The following PCDHA2 variants were observed in gnomAD, a reference collection of about 807,000 sequenced individuals.
The protein encoded by PCDHA2 is protocadherin alpha-2.
In PCDHA2, 58 loss-of-function variants were observed where a neutral mutation model predicts 66.0. That is an observed-to-expected ratio of 0.88 (90% CI 0.71 to 1.09). The LOEUF (loss-of-function observed/expected upper bound fraction) is 1.09. Among genes scored for constraint, PCDHA2 ranks in the 50% least tolerant of loss-of-function variants. The pLI is 0.00. For synonymous variants in PCDHA2, 634 were observed against 554.0 expected (o/e 1.14, Z -2.03); for missense variants, 1,267 against 1,242.3 (o/e 1.02, Z -0.30).
chr5:140,848,667 G>A lies in PCDHA2; in HGVS notation c.2388+51315G>A, dbSNP rs1173870910. On this transcript the variant is annotated intron_variant, in intron 1 of 3. Coordinates refer to ENST00000526136, the MANE Select transcript of PCDHA2 (RefSeq NM_018905.3). ...GCAGGACCTGGGGCTGGAGCTGGCG[G>A]AGCTGGTGCCGCGCCTGTTCCAGTT... The A allele has an allele frequency of 1.0e-5, 16 of 1,592,228 alleles. No individual in the cohort carries two copies. Among genetic ancestry groups the A allele is most frequent in the Non-Finnish European group, 1.3e-5 (15 of 1,163,428 alleles).
chr5:140,882,103 G>A, intron 1 of PCDHA2: 2 of 1,335,054 alleles, frequency 1.5e-6, no homozygotes, highest in Non-Finnish European at 2.0e-6. Context: ...ACGTTTCCGC[G>A]AAGAAAGCCG....
rs376607115 is a variant in PCDHA2 at position 141,006,474 on chromosome 5, A to G, written c.2537-3153A>G. Among the ~76,000 whole-genome samples, 193 of 152,188 alleles carry G rather than the reference A, an allele frequency of 1.3e-3. 1 individual carries two copies. The highest frequency in any genetic ancestry group is 4.5e-3 in the African/African-American group (185 of 41,520). ...GAGATCTGCCTGTCTCGGCCTCCCA[A>G]AGTGCTGGGATTACATGTGTGAGCC... On this transcript the variant is annotated intron_variant, in intron 3 of 3. Transcript: ENST00000526136.
chr5:140,844,840 G>A lies in PCDHA2; in HGVS notation c.2388+47488G>A, dbSNP rs2150374183. 8.0e-5 allele frequency among the ~76,000 whole-genome samples: 12 copies of A among 149,088 alleles called. No homozygotes were observed. In the East Asian group the frequency reaches 1.9e-3, roughly 24 times the overall value. On this transcript the variant is annotated intron_variant, in intron 1 of 3. Transcript: ENST00000526136. ...TTGTCTTTTTACACGTTTGCTTCTT[G>A]TGACTGTTGGACCTGCCTGGATATT...
At chr5:140,863,310 G>A (rs2047937786) in intron 1 of PCDHA2, 2 of 1,463,012 alleles carry the variant, frequency 1.4e-6, no homozygotes, top group Non-Finnish European at 1.9e-6. Context: ...CCATCTGCGT[G>A]GTGTCCAGCC....
At chr5:140,833,718 T>G (rs1772594795) in intron 1 of PCDHA2, among the ~76,000 whole-genome samples, 1 of 151,380 alleles carries the variant, frequency 6.6e-6, no homozygotes, top group Non-Finnish European at 1.5e-5. Flanking sequence ...AGTGTCTGGA[T>G]AGTTGCTAAT....
At chr5:140,953,950 A>G (rs1458991224) in intron 1 of PCDHA2, among the ~76,000 whole-genome samples, 1 of 151,936 alleles carries the variant, frequency 6.6e-6, no homozygotes, top group Non-Finnish European at 1.5e-5. Flanking sequence ...TTGCTCCCCC[A>G]ACAGGCCCCA....
chr5:140,906,575 T>C (rs1443480852), intron 1 of PCDHA2, among the ~76,000 whole-genome samples: 1 of 152,242 alleles, frequency 6.6e-6, no homozygotes, highest in Non-Finnish European at 1.5e-5. Context: ...ATAGCTGGTA[T>C]TGATGACTAC....
chr5:140,967,633 T>G, intron 1 of PCDHA2: 2 of 1,614,106 alleles, frequency 1.2e-6, no homozygotes, highest in Non-Finnish European at 1.7e-6. Flanking sequence ...AGGGCTCCAA[T>G]GGTGAGCTCA....
At chr5:140,971,221 G>A (rs1234658755) in intron 1 of PCDHA2, among the ~76,000 whole-genome samples, 1 of 152,082 alleles carries the variant, frequency 6.6e-6, no homozygotes, top group East Asian at 1.9e-4. Flanking sequence ...TCCCTCTCCT[G>A]ACTCAAAGCT....
intron 3 of PCDHA2, among the ~76,000 whole-genome samples, chr5:140,989,272 T>C (rs1554250681): frequency 6.6e-6 from 1 of 152,204 alleles, no homozygotes. Flanking sequence ...AAGTTTCTGC[T>C]GGGGACATCT....
At chr5:140,848,272 A>G (rs1781411932) in intron 1 of PCDHA2, 2 of 538,068 alleles carry the variant, frequency 3.7e-6, no homozygotes, top group Non-Finnish European at 6.6e-6. Context: ...TATTCATGAA[A>G]TATGTACTTA....
At chr5:140,891,432 C>T (rs183679) in intron 1 of PCDHA2, among the ~76,000 whole-genome samples, 69,006 of 149,136 alleles carry the variant, frequency 0.46, 16,159 homozygotes, top group South Asian at 0.58. Context: ...AAGTCCCCAA[C>T]GTCCATTGTA....
At chr5:140,963,159 C>T (rs971538193) in intron 1 of PCDHA2, among the ~76,000 whole-genome samples, 14 of 151,752 alleles carry the variant, frequency 9.2e-5, no homozygotes, top group Non-Finnish European at 1.9e-4. Flanking sequence ...AAAAATGACA[C>T]ATGCCATCTT....
intron 1 of PCDHA2, chr5:140,843,028 G>T: frequency 6.3e-7 from 1 of 1,595,268 alleles, no homozygotes; most frequent in Non-Finnish European, 8.6e-7. Context: ...TGGAGCCTCG[G>T]GTGGGTGGCA....
Position 140,842,781 on chromosome 5 carries a change from A to G in PCDHA2, c.2388+45429A>G. ...GCGCGAGACGCGGACGCGCAGGAGA[A>G]CGCGCTGGTGTCCTACTCGCTTGTG... is the stretch of plus-strand genomic sequence containing the variant. On this transcript the variant is annotated intron_variant, in intron 1 of 3. Transcript: ENST00000526136. The G allele has an allele frequency of 1.3e-6, 2 of 1,594,512 alleles. 1 individual carries two copies. Among genetic ancestry groups the G allele is most frequent in the Non-Finnish European group, 1.7e-6 (2 of 1,165,394 alleles).
intron 1 of PCDHA2, among the ~76,000 whole-genome samples, chr5:140,892,286 C>A (rs2063458721): frequency 1.3e-5 from 2 of 152,136 alleles, no homozygotes; most frequent in South Asian, 4.1e-4. Flanking sequence ...TTAAACACTT[C>A]TTCCTGGAAA....
At chr5:140,882,247 T>C in intron 1 of PCDHA2, 1 of 1,594,292 alleles carries the variant, frequency 6.3e-7, no homozygotes, top group Non-Finnish European at 8.6e-7. Context: ...TGCAGATAGC[T>C]CTGAGGTTTT....
chr5:140,807,686 C>T (rs1472420956), intron 1 of PCDHA2: 7 of 1,614,108 alleles, frequency 4.3e-6, no homozygotes, highest in Non-Finnish European at 5.9e-6. Context: ...GGAGAACGCC[C>T]TGCTCACTTA....
intron 1 of PCDHA2, among the ~76,000 whole-genome samples, chr5:140,902,478 T>C (rs190206747): frequency 6.6e-6 from 1 of 152,312 alleles, no homozygotes; most frequent in African/African-American, 2.4e-5. Context: ...AGTTTTTGCC[T>C]GCTCAGTATG....
Sources: allele counts gnomAD v4.1 joint callset (sites outside exome capture counted in the v4.1 genomes callset), GRCh38; gene constraint gnomAD v4.1.1; transcripts MANE v1.5; gene names NCBI Gene and HGNC (gene_info 2026-07-23, HGNC 2026-07-21).